ASMTL: variants seen among roughly 807,000 people sequenced by gnomAD.
ASMTL encodes the protein acetylserotonin O-methyltransferase like.
In ASMTL, 57 loss-of-function variants were observed where a neutral mutation model predicts 60.3. That is an observed-to-expected ratio of 0.95 (90% CI 0.76 to 1.18). The LOEUF is 1.18. ASMTL is among the 50% of genes most tolerant of loss of function. The probability of loss-of-function intolerance (pLI) is 0.00; values close to 1 mark genes in which losing one functional copy is unlikely to be tolerated. For synonymous variants in ASMTL, 419 were observed against 373.0 expected, an observed-to-expected ratio of 1.12 and a Z score of -1.42; for missense variants, 981 against 852.6, an observed-to-expected ratio of 1.15 and a Z score of -1.88.
intron 11 of ASMTL, among the ~76,000 whole-genome samples, chrX:1,414,934 C>G (rs2090178111): frequency 4.6e-5 from 1 of 21,786 alleles, no homozygotes; most frequent in Non-Finnish European, 3.3e-4. Context: ...TCAGCTGTCT[C>G]TTTTTTTATT....
At chrX:1,451,282 C>T (rs1466875311) in intron 1 of ASMTL, among the ~76,000 whole-genome samples, 22 of 148,942 alleles carry the variant, frequency 1.5e-4, no homozygotes, top group African/African-American at 5.2e-4. Context: ...ACCCCCATCC[C>T]TAGGGGGTCC....
intron 11 of ASMTL, among the ~76,000 whole-genome samples, chrX:1,417,730 A>T (rs2090344935): frequency 6.6e-6 from 1 of 150,904 alleles, no homozygotes; most frequent in Non-Finnish European, 1.5e-5. Flanking sequence ...AGACACACAC[A>T]CACACAGACA....
chrX:1,420,727 A>G (rs1277936849), intron 9 of ASMTL, among the ~76,000 whole-genome samples: 1 of 152,260 alleles, frequency 6.6e-6, no homozygotes, highest in Non-Finnish European at 1.5e-5. Context: ...GCCTCAGATA[A>G]GCAAGTGTCA....
At chrX:1,407,524 TGATG>T (rs1274181615) in intron 12 of ASMTL, among the ~76,000 whole-genome samples, 1 of 151,680 alleles carries the variant, frequency 6.6e-6, no homozygotes. Flanking sequence ...ATATGGTAGA[TGATG>T]GGTAGGTAGA....
intron 3 of ASMTL, among the ~76,000 whole-genome samples, chrX:1,437,169 G>T (rs2090987755): frequency 7.0e-6 from 1 of 142,674 alleles, no homozygotes; most frequent in South Asian, 2.3e-4. Flanking sequence ...AGCCCTGGAG[G>T]CTGGAGGTCT....
At chrX:1,436,707 T>C (rs1421321853) in intron 3 of ASMTL, among the ~76,000 whole-genome samples, 1 of 152,218 alleles carries the variant, frequency 6.6e-6, no homozygotes, top group Non-Finnish European at 1.5e-5. Context: ...ATGGACCATG[T>C]TGTAATTTCC....
At chrX:1,428,529 C>CCAG (rs1450711323) in intron 6 of ASMTL, among the ~76,000 whole-genome samples, 8 of 151,096 alleles carry the variant, frequency 5.3e-5, no homozygotes, top group Admixed American at 2.7e-4. Flanking sequence ...CGCCTGTAAT[C>CCAG]CCAGCTACCC....
At chrX:1,413,617 T>C (rs1325328229) in intron 11 of ASMTL, 2 of 152,352 alleles carry the variant, frequency 1.3e-5, no homozygotes, top group East Asian at 1.9e-4. Context: ...TTAAAAGATA[T>C]ATTCAGGTGC....
intron 6 of ASMTL, among the ~76,000 whole-genome samples, chrX:1,431,180 T>TA (rs1311362176): frequency 7.9e-6 from 1 of 126,064 alleles, no homozygotes; most frequent in Non-Finnish European, 1.6e-5. Context: ...TAATTGTTTA[T>TA]AATTATATAT....
intron 12 of ASMTL, among the ~76,000 whole-genome samples, chrX:1,406,442 T>C (rs2089846914): frequency 6.7e-6 from 1 of 150,060 alleles, no homozygotes; most frequent in Non-Finnish European, 1.5e-5. Flanking sequence ...GATGGAGGGA[T>C]GGGTGAATAG....
chrX:1,427,939 GC>G lies in ASMTL; in HGVS notation c.691del (p.Ala231ProfsTer61). The G allele has an allele frequency of 6.2e-7, 1 of 1,613,478 alleles. No individual in the cohort carries two copies. On this transcript the variant is annotated frameshift_variant, in exon 7 of 13. Coordinates refer to ENST00000381317, the MANE Select transcript of ASMTL (RefSeq NM_004192.4). LOFTEE classifies it high-confidence loss of function. Reference protein sequence around the residue: ...RRSVKHDSIPAADTFEDLSDV... With the variant: ...RRSVKHDSIPXADTFEDLSDV... ...ACTGAGGTCTTCGAAGGTGTCCGCG[GC>G]CGGGATGGAGTCGTGCTTGACACTC...
At chrX:1,404,885 T>TTGGG (rs1463980524) in intron 12 of ASMTL, among the ~76,000 whole-genome samples, 1 of 137,246 alleles carries the variant, frequency 7.3e-6, no homozygotes, top group Non-Finnish European at 1.6e-5. Context: ...AGATGGATGG[T>TTGGG]TGGGTGAATA....
Position 1,431,423 on chromosome X carries a change from CCT to C in ASMTL, c.509+844_509+845del, listed in dbSNP as rs1396114142. On this transcript the variant is annotated intron_variant, in intron 6 of 12. Transcript: ENST00000381317. ...ATAATCTATTTTAACAGTTATATAA[CCT>C]ATCATATAATCTATTATAACAGTAT... Among the ~76,000 whole-genome samples, 3 of 134,604 alleles carry C rather than the reference CCT, an allele frequency of 2.2e-5. No homozygotes were observed. In the East Asian group the frequency reaches 6.4e-4, roughly 29 times the overall value. The allele number at this position is 134,604 out of a possible 152,430, so 88.3% of individuals were successfully genotyped here. A position where few individuals can be genotyped will look rare whatever the true frequency, so the allele number is the denominator to read the frequency against.
At chrX:1,444,883 G>A (rs1471199821) in intron 1 of ASMTL, among the ~76,000 whole-genome samples, 2 of 152,108 alleles carry the variant, frequency 1.3e-5, no homozygotes, top group Admixed American at 6.6e-5. Flanking sequence ...GCTCAAGCTG[G>A]AGGGTTCTCA....
intron 9 of ASMTL, among the ~76,000 whole-genome samples, chrX:1,419,341 G>A (rs2090410209): frequency 6.6e-6 from 1 of 152,130 alleles, no homozygotes. Flanking sequence ...CGATCTCCTT[G>A]GAATCACTTG....
chrX:1,413,006 G>A (rs1431680734), intron 11 of ASMTL, 152 bp from the exon 12 acceptor site: 2 of 826,852 alleles, frequency 2.4e-6, no homozygotes, highest in African/African-American at 3.4e-5. Flanking sequence ...ACATCCCCGT[G>A]GGGACTTGAA....
chrX:1,417,280 C>T (rs1433655579), intron 11 of ASMTL, among the ~76,000 whole-genome samples: 2 of 141,176 alleles, frequency 1.4e-5, no homozygotes, highest in African/African-American at 2.6e-5. Flanking sequence ...AGCATACACA[C>T]AAATGCAGAC....
At chrX:1,436,211 T>C (rs2090959330) in intron 3 of ASMTL, among the ~76,000 whole-genome samples, 1 of 152,222 alleles carries the variant, frequency 6.6e-6, no homozygotes, top group Admixed American at 6.5e-5. Context: ...TCTCACTCTG[T>C]CGCCCAGGCT....
At chrX:1,452,716 G>A in intron 1 of ASMTL, 32 bp downstream of exon 1, 1 of 1,537,492 alleles carries the variant, frequency 6.5e-7, no homozygotes, top group South Asian at 1.2e-5. Flanking sequence ...CTCCGTCCCC[G>A]GTCCCCTGCC....
Sources: allele counts gnomAD v4.1 joint callset (sites outside exome capture counted in the v4.1 genomes callset), GRCh38; gene constraint gnomAD v4.1.1; transcripts MANE v1.5; gene names NCBI Gene and HGNC (gene_info 2026-07-23, HGNC 2026-07-21).